Variants in LRRN1 observed in about 807,000 individuals in gnomAD.
The protein encoded by LRRN1 is leucine rich repeat neuronal 1, also known as leucine-rich repeat neuronal protein 1.
In LRRN1, 14 loss-of-function variants were observed where a neutral mutation model predicts 45.8. The observed-to-expected ratio is 0.31, with a 90% confidence interval of 0.20 to 0.48. The LOEUF (loss-of-function observed/expected upper bound fraction) is 0.48, where lower values mean the gene tolerates loss of function less well. LRRN1 is among the 20% of genes least tolerant of loss of function. The probability of loss-of-function intolerance (pLI) is 0.99; values close to 1 mark genes in which losing one functional copy is unlikely to be tolerated. For synonymous variants in LRRN1, 359 were observed against 330.1 expected, an observed-to-expected ratio of 1.09 and a Z score of -0.95; for missense variants, 789 against 874.2, an observed-to-expected ratio of 0.90 and a Z score of 1.23.
chr3:3,800,747 G>C (rs1404600200), intron 1 of LRRN1: 1 of 152,406 alleles, frequency 6.6e-6, no homozygotes, highest in Non-Finnish European at 1.5e-5. Context: ...ACCTCAGCCC[G>C]TGAGCCTTGA....
rs1553563096 is a variant in LRRN1, at chr3:3,834,537, T to TATATATATATC, written c.-278-9817_-278-9816insCATATATATAT. Among the ~76,000 whole-genome samples, 4 of 111,022 alleles carry TATATATATATC rather than the reference T, an allele frequency of 3.6e-5. 1 individual carries two copies. The highest frequency in any genetic ancestry group is 1.4e-4 in the African/African-American group (4 of 29,188). The allele number at this position is 111,022 out of a possible 152,430, so 72.8% of individuals were successfully genotyped here. A position where few individuals can be genotyped will look rare whatever the true frequency, so the allele number is the denominator to read the frequency against. On this transcript the variant is annotated intron_variant, in intron 1 of 1. Coordinates refer to ENST00000319331, the MANE Select transcript of LRRN1 (RefSeq NM_020873.7). ...AGGGACAGAACAGGATATATATATATATATATATATATATATGATATATAT... is the reference window on the plus strand; with the variant it reads ...AGGGACAGAACAGGATATATATATATATATATATATCATATATATATATATATGATATATAT...
At chr3:3,819,337 C>T (rs138067338) in intron 1 of LRRN1, among the ~76,000 whole-genome samples, 151 of 152,210 alleles carry the variant, frequency 9.9e-4, no homozygotes, top group African/African-American at 3.5e-3. Flanking sequence ...CTAGGGCTGC[C>T]GTGGCAATGT....
intron 1 of LRRN1, among the ~76,000 whole-genome samples, chr3:3,814,746 T>G (rs1014627727): frequency 6.6e-6 from 1 of 152,124 alleles, no homozygotes; most frequent in African/African-American, 2.4e-5. Context: ...CAGTTTTGTC[T>G]TTGCCCCCTT....
intron 1 of LRRN1, among the ~76,000 whole-genome samples, chr3:3,833,638 T>C (rs1301930409): frequency 6.6e-6 from 1 of 151,694 alleles, no homozygotes; most frequent in Non-Finnish European, 1.5e-5. Flanking sequence ...CAAACAGGGG[T>C]ATTAGGGGTG....
chr3:3,810,623 C>A (rs138382207), intron 1 of LRRN1, among the ~76,000 whole-genome samples: 402 of 152,322 alleles, frequency 2.6e-3, no homozygotes, highest in African/African-American at 9.1e-3. Flanking sequence ...GGGAGGATCA[C>A]CTGAACCCAG....
At chr3:3,834,578 A>C (rs376881758) in intron 1 of LRRN1, among the ~76,000 whole-genome samples, 10 of 108,188 alleles carry the variant, frequency 9.2e-5, no homozygotes, top group East Asian at 5.4e-4. Flanking sequence ...TATACATATT[A>C]TATATCATAT....
At chr3:3,836,999 C>T (rs1693534207) in intron 1 of LRRN1, among the ~76,000 whole-genome samples, 1 of 152,164 alleles carries the variant, frequency 6.6e-6, no homozygotes, top group African/African-American at 2.4e-5. Context: ...TGTACTGTCT[C>T]CTGCACCCAT....
chr3:3,844,547 C>T lies in LRRN1; in HGVS notation c.-95C>T. ...AACCAAGACTTTGCTTGAATGTTTA[C>T]ATTTTCTGCTCGCTGTCCTACATAT... On this transcript the variant is annotated 5_prime_UTR_variant, in exon 2 of 2. Transcript: ENST00000319331. 1 of 937,266 alleles carries T rather than the reference C, an allele frequency of 1.1e-6. No individual in the cohort carries two copies. The highest frequency in any genetic ancestry group is 1.7e-5 in the South Asian group (1 of 57,894). 58.1% of individuals were successfully genotyped at this position (937,266 alleles called of 1,614,324 possible). A position where few individuals can be genotyped will look rare whatever the true frequency, so the allele number is the denominator to read the frequency against.
chr3:3,809,754 G>A (rs1327261580), intron 1 of LRRN1, among the ~76,000 whole-genome samples: 1 of 152,204 alleles, frequency 6.6e-6, no homozygotes, highest in Non-Finnish European at 1.5e-5. Context: ...GATGATAATA[G>A]AGCCCGCCTC....
intron 1 of LRRN1, among the ~76,000 whole-genome samples, chr3:3,808,790 CTTTT>C (rs111432146): frequency 1.4e-4 from 21 of 151,300 alleles, no homozygotes; most frequent in Non-Finnish European, 1.5e-4. Context: ...AAATAAATCA[CTTTT>C]TTTTTATTTT....
chr3:3,811,480 G>C (rs927852584), intron 1 of LRRN1, among the ~76,000 whole-genome samples: 1 of 152,192 alleles, frequency 6.6e-6, no homozygotes, highest in Admixed American at 6.5e-5. Flanking sequence ...AAAGAGGAAA[G>C]GGGCTTCCGT....
intron 1 of LRRN1, among the ~76,000 whole-genome samples, chr3:3,810,024 G>A (rs1692843153): frequency 6.6e-6 from 1 of 152,120 alleles, no homozygotes; most frequent in Non-Finnish European, 1.5e-5. Context: ...CTTTCGTGGT[G>A]GACCCCTAGA....
chr3:3,799,575 G>C lies in LRRN1; in HGVS notation c.-623G>C, dbSNP rs1692594116. On this transcript the variant is annotated 5_prime_UTR_variant, in exon 1 of 2. Coordinates refer to ENST00000319331, the MANE Select transcript of LRRN1 (RefSeq NM_020873.7). ...GGCGGCGGCATCCCTAGGCGCCTGG[G>C]GCGCCTTCCTCCGGACCTGGCCGCT... The C allele has an allele frequency of 6.6e-6, 1 of 152,096 alleles. No homozygotes were observed. The highest frequency in any genetic ancestry group is 2.1e-4 in the South Asian group (1 of 4,838). The allele number at this position is 152,096 out of a possible 1,614,324, so 9.4% of individuals were successfully genotyped here.
chr3:3,807,360 A>G (rs750945), intron 1 of LRRN1, among the ~76,000 whole-genome samples: 96,406 of 152,140 alleles, frequency 0.63, 33,177 homozygotes, highest in Non-Finnish European at 0.78. Context: ...TTCTGTTTTC[A>G]TTGATTTTTG....
rs919238987 is a variant in LRRN1 at position 3,799,854 on chromosome 3, C to T, written c.-344C>T. On this transcript the variant is annotated 5_prime_UTR_variant, in exon 1 of 2. Coordinates refer to ENST00000319331, the MANE Select transcript of LRRN1 (RefSeq NM_020873.7). ...CTTTCTCCTCCTCCTGCTGCTGCTG[C>T]CGCCGCCGCCGCCGTGGGTGCCGGG... 5.2e-5 allele frequency: 8 copies of T among 153,062 alleles called. No individual in the cohort carries two copies. The South Asian group carries it at 1.2e-3, about 23-fold the overall frequency. The allele number at this position is 153,062 out of a possible 1,614,324, so 9.5% of individuals were successfully genotyped here. A position where few individuals can be genotyped will look rare whatever the true frequency, so the allele number is the denominator to read the frequency against.
intron 1 of LRRN1, among the ~76,000 whole-genome samples, chr3:3,836,769 T>A (rs1387875733): frequency 6.6e-6 from 1 of 151,982 alleles, no homozygotes; most frequent in Admixed American, 6.6e-5. Context: ...ATTTTAGGGG[T>A]AGTAGCAAAA....
chr3:3,849,680 C>A lies in LRRN1; in HGVS notation c.*2888C>A, dbSNP rs1055441627. 1.3e-5 allele frequency among the ~76,000 whole-genome samples: 2 copies of A among 152,208 alleles called. No individual in the cohort carries two copies. Among genetic ancestry groups the A allele is most frequent in the Non-Finnish European group, 2.9e-5 (2 of 68,032 alleles). On this transcript the variant is annotated 3_prime_UTR_variant, in exon 2 of 2. Coordinates refer to ENST00000319331, the MANE Select transcript of LRRN1 (RefSeq NM_020873.7). The stretch of plus-strand genomic sequence containing the variant: ...TTTTGGAGCAGTTTCTTAAAACAGG[C>A]ATTCCCTAACTTGCTCATTTAATTA...
chr3:3,830,709 C>A (rs1575293653), intron 1 of LRRN1, among the ~76,000 whole-genome samples: 1 of 152,150 alleles, frequency 6.6e-6, no homozygotes, highest in Non-Finnish European at 1.5e-5. Context: ...CCTTCAGGAC[C>A]TGCTTGAGCC....
Position 3,848,525 on chromosome 3 carries a change from ATTTC to A in LRRN1, c.*1741_*1744del. Among the ~76,000 whole-genome samples, 1 of 152,300 alleles carries A rather than the reference ATTTC, an allele frequency of 6.6e-6. No homozygotes were observed. The highest frequency in any genetic ancestry group is 3.4e-3 in the Middle Eastern group (1 of 294). On this transcript the variant is annotated 3_prime_UTR_variant, in exon 2 of 2. Transcript: ENST00000319331. ...AAGTCCAGGTGATGTAGGTTGAGGT[ATTTC>A]TTTCTTTGGCAGTATCTTGCTTTTG... is the stretch of plus-strand genomic sequence containing the variant.
Sources: allele counts gnomAD v4.1 joint callset (sites outside exome capture counted in the v4.1 genomes callset), GRCh38; gene constraint gnomAD v4.1.1; transcripts MANE v1.5; gene names NCBI Gene and HGNC (gene_info 2026-07-23, HGNC 2026-07-21).